CSMD1: variants seen among roughly 807,000 people sequenced by gnomAD.
CSMD1 encodes the protein CUB and Sushi multiple domains 1.
In CSMD1, 213 loss-of-function variants were observed where a neutral mutation model predicts 417.5. That is an observed-to-expected ratio of 0.51 (90% CI 0.46 to 0.57). CSMD1 has a LOEUF of 0.57. Ranked by LOEUF, CSMD1 falls within the 20% of genes least tolerant of loss-of-function variation. The pLI, the probability that CSMD1 is intolerant of heterozygous loss-of-function variation, is 0.00. For missense variants in CSMD1, 6,923 were observed against 4,529.7 expected (o/e 1.53, Z -15.17); for synonymous variants, 2,862 against 1,736.8 (o/e 1.65, Z -16.11).
chr8:4,520,835 C>T (rs1007158298), intron 2 of CSMD1, among the ~76,000 whole-genome samples: 13 of 151,992 alleles, frequency 8.6e-5, no homozygotes, highest in Admixed American at 7.2e-4. Context: ...AACGTATATA[C>T]CAGGTTTCTA....
chr8:3,925,256 G>A (rs1269699913), intron 5 of CSMD1, among the ~76,000 whole-genome samples: 2 of 152,158 alleles, frequency 1.3e-5, no homozygotes, highest in African/African-American at 4.8e-5. Flanking sequence ...TAATGCATTT[G>A]GGGAATGTGC....
At position 3,029,313 on chromosome 8, in the gene CSMD1, A is replaced by G. The variant is rs762138357; in HGVS notation, c.7855+6T>C. ...GACTTTCAGGGGTGCCTCCCTCATC[A>G]CTTACCTCGACAGCTTGGCCTCTCA... is the stretch of plus-strand genomic sequence containing the variant. On this transcript the variant is annotated splice_donor_region_variant and intron_variant, in intron 51 of 69. Transcript: ENST00000635120. 3.8e-6 allele frequency: 6 copies of G among 1,597,424 alleles called. No individual in the cohort carries two copies. The East Asian group carries it at 1.3e-4, about 36-fold the overall frequency.
intron 2 of CSMD1, among the ~76,000 whole-genome samples, chr8:4,623,152 G>A (rs767245988): frequency 2.0e-5 from 3 of 152,086 alleles, no homozygotes. Context: ...TCAAAGGGAA[G>A]ACAAAAGTTG....
chr8:2,998,729 C>A (rs1236315160), intron 53 of CSMD1, among the ~76,000 whole-genome samples: 1 of 152,162 alleles, frequency 6.6e-6, no homozygotes, highest in African/African-American at 2.4e-5. Context: ...TCATATGATC[C>A]TTTGAAATGC....
intron 3 of CSMD1, among the ~76,000 whole-genome samples, chr8:4,247,017 A>C (rs1802754763): frequency 6.6e-6 from 1 of 152,232 alleles, no homozygotes; most frequent in Admixed American, 6.5e-5. Context: ...AGCGCCCCAT[A>C]TGTGCTAAAT....
intron 1 of CSMD1, among the ~76,000 whole-genome samples, chr8:4,917,156 T>C (rs1345494708): frequency 6.6e-6 from 1 of 152,160 alleles, no homozygotes; most frequent in South Asian, 2.1e-4. Context: ...CATGTCCTAC[T>C]TGGCTGGAGC....
intron 6 of CSMD1, among the ~76,000 whole-genome samples, chr8:3,723,305 A>T (rs566014222): frequency 2.6e-5 from 4 of 152,284 alleles, no homozygotes; most frequent in Middle Eastern, 3.4e-3. Flanking sequence ...TTCTCAGGAA[A>T]AAGTCCCTTT....
chr8:3,117,602 T>G (rs1451375791), intron 42 of CSMD1, among the ~76,000 whole-genome samples: 5 of 152,202 alleles, frequency 3.3e-5, no homozygotes, highest in Non-Finnish European at 5.9e-5. Flanking sequence ...GCATATGCAT[T>G]CTTCCTACAC....
chr8:2,993,296 T>C (rs1048839928), intron 54 of CSMD1, among the ~76,000 whole-genome samples: 5 of 152,218 alleles, frequency 3.3e-5, no homozygotes, highest in South Asian at 2.1e-4. Context: ...GTGGATTGCC[T>C]GTCTGGGTTT....
At position 4,026,709 on chromosome 8, in the gene CSMD1, A is replaced by T. The variant is rs145609205; in HGVS notation, c.610+5196T>A. Among the ~76,000 whole-genome samples the T allele has an allele frequency of 1.8e-3, 277 of 152,328 alleles. 2 individuals are homozygous for T. Among genetic ancestry groups the T allele is most frequent in the African/African-American group, 6.1e-3 (253 of 41,570 alleles). On this transcript the variant is annotated intron_variant, in intron 4 of 69. Coordinates refer to ENST00000635120, the MANE Select transcript of CSMD1 (RefSeq NM_033225.6). ...CAATCAGACAAATGCTATCTGAGAG[A>T]TCAAGGGACTTCTTTTTTCCTTAAA...
At chr8:3,219,060 C>A (rs2116846216) in intron 29 of CSMD1, among the ~76,000 whole-genome samples, 195 bp downstream of exon 29, 1 of 152,080 alleles carries the variant, frequency 6.6e-6, no homozygotes, top group South Asian at 2.1e-4. Context: ...CTCTTTCTTC[C>A]TCCAGTTAAA....
At chr8:3,752,392 C>T (rs1381716405) in intron 6 of CSMD1, among the ~76,000 whole-genome samples, 2 of 152,110 alleles carry the variant, frequency 1.3e-5, no homozygotes, top group Non-Finnish European at 2.9e-5. Context: ...CGGTGGCTCA[C>T]ACCTGTAATC....
At chr8:3,964,167 C>G (rs780837750) in intron 5 of CSMD1, among the ~76,000 whole-genome samples, 1 of 152,266 alleles carries the variant, frequency 6.6e-6, no homozygotes. Flanking sequence ...CAATTTTCAT[C>G]TTAACAAGTA....
intron 5 of CSMD1, among the ~76,000 whole-genome samples, chr8:3,766,255 G>A (rs549281708): frequency 6.6e-6 from 1 of 152,264 alleles, no homozygotes; most frequent in Admixed American, 6.5e-5. Context: ...TGCCCCACCT[G>A]GAAATCTCCT....
rs968180436 is a variant in CSMD1, at chr8:3,399,299, C to G, written c.2405+92G>C. On this transcript the variant is annotated intron_variant, in intron 16 of 69. Coordinates refer to ENST00000635120, the MANE Select transcript of CSMD1 (RefSeq NM_033225.6). ...GCTCCTATGCGGGAACCGAAAAAAA[C>G]TGCCATCTTTTTAAAGTTTAAGATC... is the stretch of plus-strand genomic sequence containing the variant. 3 of 1,246,708 alleles carry G rather than the reference C, an allele frequency of 2.4e-6. No individual in the cohort carries two copies. The African/African-American group carries it at 4.6e-5, about 19-fold the overall frequency. The allele number at this position is 1,246,708 out of a possible 1,614,324, so 77.2% of individuals were successfully genotyped here. A position where few individuals can be genotyped will look rare whatever the true frequency, so the allele number is the denominator to read the frequency against.
At chr8:3,042,276 C>T (rs1439986232) in intron 50 of CSMD1, among the ~76,000 whole-genome samples, 1 of 152,138 alleles carries the variant, frequency 6.6e-6, no homozygotes, top group Non-Finnish European at 1.5e-5. Context: ...AGCACAGAGA[C>T]TCGTGCATCT....
intron 5 of CSMD1, among the ~76,000 whole-genome samples, chr8:3,796,810 T>C (rs963454882): frequency 2.0e-5 from 3 of 151,446 alleles, no homozygotes; most frequent in Admixed American, 6.6e-5. Flanking sequence ...ATTTTCATGG[T>C]ATCAACATAA....
chr8:3,680,752 C>T lies in CSMD1; in HGVS notation c.1009+27662G>A, dbSNP rs183070249. ...CACAACCAAAAAAGAGAATTTTAGA[C>T]CAATATCCCTGATGAACATTGATGC... On this transcript the variant is annotated intron_variant, in intron 7 of 69. Transcript: ENST00000635120. Among the ~76,000 whole-genome samples the T allele has an allele frequency of 3.3e-5, 5 of 152,248 alleles. No homozygotes were observed. The East Asian group carries it at 9.7e-4, about 29-fold the overall frequency.
intron 10 of CSMD1, among the ~76,000 whole-genome samples, chr8:3,495,254 C>G (rs1276929738): frequency 3.9e-5 from 6 of 152,170 alleles, no homozygotes; most frequent in African/African-American, 7.2e-5. Context: ...ATCTGATAAT[C>G]AGACAATTTT....
Sources: allele counts gnomAD v4.1 joint callset (sites outside exome capture counted in the v4.1 genomes callset), GRCh38; gene constraint gnomAD v4.1.1; transcripts MANE v1.5; gene names NCBI Gene and HGNC (gene_info 2026-07-23, HGNC 2026-07-21).